CNTN3: variants seen among roughly 807,000 people sequenced by gnomAD.
CNTN3 encodes contactin-3.
CNTN3 carries 60 observed loss-of-function variants against 119.1 expected under a neutral mutation model. That is an observed-to-expected ratio of 0.50 (90% CI 0.41 to 0.62). The LOEUF is 0.62. Among genes scored for constraint, CNTN3 ranks in the 20% least tolerant of loss-of-function variants. The probability of loss-of-function intolerance (pLI) is 0.00; values close to 1 mark genes in which losing one functional copy is unlikely to be tolerated. For synonymous variants in CNTN3, 450 were observed against 438.7 expected, an observed-to-expected ratio of 1.03 and a Z score of -0.32; for missense variants, 1,101 against 1,242.4, an observed-to-expected ratio of 0.89 and a Z score of 1.71.
chr3:74,435,748 A>G (rs893440421), intron 4 of CNTN3, among the ~76,000 whole-genome samples: 2 of 152,172 alleles, frequency 1.3e-5, no homozygotes, highest in Admixed American at 6.5e-5. Context: ...CTGTGGCTGA[A>G]AGCTATTTTG....
At chr3:74,479,925 T>C (rs1233606566) in intron 4 of CNTN3, among the ~76,000 whole-genome samples, 2 of 151,934 alleles carry the variant, frequency 1.3e-5, no homozygotes, top group Non-Finnish European at 2.9e-5. Flanking sequence ...TATAAGACTA[T>C]AGAAAAATCA....
intron 20 of CNTN3, among the ~76,000 whole-genome samples, chr3:74,270,954 CA>C (rs1353621594): frequency 6.6e-6 from 1 of 152,158 alleles, no homozygotes; most frequent in African/African-American, 2.4e-5. Flanking sequence ...ACAGGATACA[CA>C]TAATCATTTC....
At chr3:74,388,855 A>C (rs1336760128) in intron 5 of CNTN3, among the ~76,000 whole-genome samples, 1 of 152,194 alleles carries the variant, frequency 6.6e-6, no homozygotes, top group Non-Finnish European at 1.5e-5. Context: ...TTACTTAAAA[A>C]ACAGCTAGTC....
chr3:74,346,868 A>C (rs77654779), intron 11 of CNTN3, among the ~76,000 whole-genome samples: 1 of 152,064 alleles, frequency 6.6e-6, no homozygotes, highest in Non-Finnish European at 1.5e-5. Context: ...AGCACACTCC[A>C]TATTTTTTAA....
At chr3:74,432,693 A>G (rs1701803964) in intron 4 of CNTN3, among the ~76,000 whole-genome samples, 6 of 152,214 alleles carry the variant, frequency 3.9e-5, no homozygotes, top group Admixed American at 3.9e-4. Context: ...TATTAGACAT[A>G]AACAACTGAC....
chr3:74,313,046 G>C (rs899804648), intron 13 of CNTN3, among the ~76,000 whole-genome samples: 19 of 150,640 alleles, frequency 1.3e-4, no homozygotes, highest in African/African-American at 4.6e-4. Context: ...TATAAGGAAC[G>C]ACTTGGATTG....
rs1483093280 is a variant in CNTN3 at position 74,484,294 on chromosome 3, A to T, written c.358+2162T>A. 2.6e-5 allele frequency among the ~76,000 whole-genome samples: 4 copies of T among 152,284 alleles called. No homozygotes were observed. The East Asian group carries it at 7.7e-4, about 29-fold the overall frequency. On this transcript the variant is annotated intron_variant, in intron 4 of 22. Coordinates refer to ENST00000263665, the MANE Select transcript of CNTN3 (RefSeq NM_020872.3). ...TAGAAACACCAAATGGAAGCGGTGG[A>T]GGAAACCCTGCCTCTAAGATCATAA... is the stretch of plus-strand genomic sequence containing the variant.
intron 5 of CNTN3, among the ~76,000 whole-genome samples, chr3:74,416,662 T>C (rs1240479585): frequency 6.6e-6 from 1 of 152,064 alleles, no homozygotes; most frequent in African/African-American, 2.4e-5. Context: ...AAGCCTATAA[T>C]GTTTGTGAGC....
chr3:74,294,115 T>C (rs972605647), intron 19 of CNTN3, among the ~76,000 whole-genome samples: 2 of 152,188 alleles, frequency 1.3e-5, no homozygotes, highest in African/African-American at 2.4e-5. Flanking sequence ...AACCTGCCTG[T>C]GTAAGCCTGC....
At chr3:74,517,806 C>A (rs890107684) in intron 2 of CNTN3, among the ~76,000 whole-genome samples, 4 of 151,840 alleles carry the variant, frequency 2.6e-5, no homozygotes, top group African/African-American at 2.4e-5. Context: ...ATCCTTAAAC[C>A]TTCTCCTCTG....
intron 7 of CNTN3, 148 bp downstream of exon 7, chr3:74,369,741 G>T: frequency 1.8e-6 from 1 of 565,580 alleles, no homozygotes; most frequent in Non-Finnish European, 3.1e-6. Flanking sequence ...AATTTTATAT[G>T]TGCATTTCCC....
At chr3:74,424,989 C>T (rs1701673665) in intron 4 of CNTN3, 49 bp from the exon 5 acceptor site, 1 of 1,307,628 alleles carries the variant, frequency 7.6e-7, no homozygotes, top group Non-Finnish European at 1.1e-6. Flanking sequence ...CCAATTAAAT[C>T]ACAAATTTTA....
At chr3:74,310,277 T>C (rs1702651511) in intron 13 of CNTN3, among the ~76,000 whole-genome samples, 1 of 152,212 alleles carries the variant, frequency 6.6e-6, no homozygotes, top group Non-Finnish European at 1.5e-5. Flanking sequence ...TTATGCCAAA[T>C]GCCATTTGAG....
chr3:74,463,004 T>C (rs1399323967), intron 4 of CNTN3, among the ~76,000 whole-genome samples: 2 of 152,146 alleles, frequency 1.3e-5, no homozygotes, highest in Admixed American at 6.6e-5. Context: ...AAACTATGGG[T>C]CGATTAAGGG....
chr3:74,402,521 T>C (rs1705224516), intron 5 of CNTN3, among the ~76,000 whole-genome samples: 1 of 152,162 alleles, frequency 6.6e-6, no homozygotes, highest in Admixed American at 6.6e-5. Flanking sequence ...ATAAAGTAGG[T>C]GGCAAATGAC....
At chr3:74,507,298 G>T (rs1326688622) in intron 2 of CNTN3, among the ~76,000 whole-genome samples, 1 of 151,932 alleles carries the variant, frequency 6.6e-6, no homozygotes, top group East Asian at 1.9e-4. Flanking sequence ...CATGCCTATA[G>T]TCCCAGTTAC....
intron 2 of CNTN3, among the ~76,000 whole-genome samples, chr3:74,517,061 C>T (rs1455058249): frequency 6.6e-6 from 1 of 151,848 alleles, no homozygotes; most frequent in Non-Finnish European, 1.5e-5. Flanking sequence ...CTTAACAGTC[C>T]TTTCTCCTGA....
At chr3:74,393,341 G>A (rs1704961549) in intron 5 of CNTN3, among the ~76,000 whole-genome samples, 1 of 152,200 alleles carries the variant, frequency 6.6e-6, no homozygotes, top group South Asian at 2.1e-4. Context: ...AAACCACAGT[G>A]CAGATCTGAT....
At chr3:74,516,720 G>T (rs1356962116) in intron 2 of CNTN3, among the ~76,000 whole-genome samples, 1 of 150,584 alleles carries the variant, frequency 6.6e-6, no homozygotes, top group Non-Finnish European at 1.5e-5. Flanking sequence ...TAGAAGTAAA[G>T]AAAAATCTTG....
Sources: gnomAD v4.1 joint callset for allele counts (sites outside exome capture counted in the v4.1 genomes callset) on GRCh38, gnomAD v4.1.1 for gene constraint, MANE v1.5 for transcripts, NCBI Gene and HGNC (gene_info 2026-07-23, HGNC 2026-07-21) for gene names.